The following TASP1 variants were observed in gnomAD, a reference collection of about 807,000 sequenced individuals.
TASP1 encodes threonine aspartase 1.
In TASP1, 16 loss-of-function variants were observed where a neutral mutation model predicts 56.6. That is an observed-to-expected ratio of 0.28 (90% CI 0.19 to 0.43). The LOEUF is 0.43. TASP1 is among the 20% of genes least tolerant of loss of function. TASP1 has a pLI of 1.00. For missense variants in TASP1, 393 were observed against 511.6 expected (o/e 0.77, Z 2.24); for synonymous variants, 179 against 184.2 (o/e 0.97, Z 0.23).
At chr20:13,509,507 G>C (rs1428971481) in intron 10 of TASP1, among the ~76,000 whole-genome samples, 1 of 152,006 alleles carries the variant, frequency 6.6e-6, no homozygotes, top group Non-Finnish European at 1.5e-5. Context: ...CACCAAAAAA[G>C]GTAACTATGT....
At chr20:13,206,083 C>T in the TASP1 span, among the ~76,000 whole-genome samples, 1 of 152,156 alleles carries the variant, frequency 6.6e-6, no homozygotes, top group East Asian at 1.9e-4. Flanking sequence ...GAGTCCTTGG[C>T]ATCTATCCAT....
At chr20:13,310,610 A>G in the TASP1 span, among the ~76,000 whole-genome samples, 1 of 152,240 alleles carries the variant, frequency 6.6e-6, no homozygotes, top group Non-Finnish European at 1.5e-5. Flanking sequence ...CAGCTAAGGA[A>G]GCAATCAACA....
At chr20:13,371,433 C>A in the TASP1 span, among the ~76,000 whole-genome samples, 1 of 152,032 alleles carries the variant, frequency 6.6e-6, no homozygotes, top group Non-Finnish European at 1.5e-5. Flanking sequence ...TTTAGTAGTG[C>A]GCTGTTAAAT....
chr20:13,592,290 G>C (rs376186634), intron 4 of TASP1, among the ~76,000 whole-genome samples: 1 of 151,818 alleles, frequency 6.6e-6, no homozygotes, highest in Non-Finnish European at 1.5e-5. Flanking sequence ...CCAGCTACTC[G>C]GGAGGCTGAG....
chr20:13,334,188 C>T, the TASP1 span, among the ~76,000 whole-genome samples: 1 of 152,060 alleles, frequency 6.6e-6, no homozygotes, highest in East Asian at 1.9e-4. Context: ...GGCAGAAATC[C>T]ATGGGTGTGA....
At chr20:13,486,650 G>T (rs1309863827) in intron 10 of TASP1, among the ~76,000 whole-genome samples, 1 of 152,054 alleles carries the variant, frequency 6.6e-6, no homozygotes, top group Non-Finnish European at 1.5e-5. Flanking sequence ...AATAGAATTG[G>T]AATATAACCA....
At chr20:13,277,939 C>A in the TASP1 span, among the ~76,000 whole-genome samples, 5 of 152,282 alleles carry the variant, frequency 3.3e-5, no homozygotes, top group African/African-American at 1.2e-4. Flanking sequence ...CCTCCCCATT[C>A]GTAACACAAA....
In TASP1 at chr20:13,389,500, A is replaced by G. The variant is rs1316211018; in HGVS notation, c.*860T>C. ...CTTTATCTTAAAAATATATTTAAAC[A>G]AAAACAAAGATAATATTGAATTTTC... On this transcript the variant is annotated 3_prime_UTR_variant, in exon 14 of 14. Transcript: ENST00000337743. 1 of 152,450 alleles carries G rather than the reference A, an allele frequency of 6.6e-6. No individual in the cohort carries two copies. The highest frequency in any genetic ancestry group is 2.4e-5 in the African/African-American group (1 of 41,456). 9.4% of individuals were successfully genotyped at this position (152,450 alleles called of 1,614,324 possible).
the TASP1 span, among the ~76,000 whole-genome samples, chr20:13,307,757 T>C: frequency 1.3e-5 from 2 of 152,368 alleles, no homozygotes; most frequent in Admixed American, 6.5e-5. Context: ...TATCGCTGCT[T>C]GCAGCTAAAG....
chr20:13,239,417 G>A, the TASP1 span: 1 of 152,216 alleles, frequency 6.6e-6, no homozygotes, highest in Non-Finnish European at 1.5e-5. Flanking sequence ...TCCATCTGCA[G>A]GGTCCTCCCT....
At chr20:13,262,274 T>TTA in the TASP1 span, among the ~76,000 whole-genome samples, 1 of 152,176 alleles carries the variant, frequency 6.6e-6, no homozygotes. Context: ...GGCCTGGCCT[T>TTA]TATAGCCCTG....
At chr20:13,161,534 G>A in the TASP1 span, among the ~76,000 whole-genome samples, 1 of 152,104 alleles carries the variant, frequency 6.6e-6, no homozygotes, top group Non-Finnish European at 1.5e-5. Context: ...ATCGCAGGTG[G>A]GGACCCAGAC....
chr20:13,498,346 T>A (rs1051157970), intron 10 of TASP1, among the ~76,000 whole-genome samples: 2 of 141,628 alleles, frequency 1.4e-5, no homozygotes, highest in South Asian at 4.3e-4. Context: ...TGTGTGTGTG[T>A]GTGTGTGTGT....
At chr20:13,340,978 A>G in the TASP1 span, among the ~76,000 whole-genome samples, 2 of 152,204 alleles carry the variant, frequency 1.3e-5, no homozygotes, top group African/African-American at 4.8e-5. Context: ...TGTGACTACA[A>G]ATACTTTCCT....
chr20:13,425,107 A>T (rs2042575005), intron 12 of TASP1, among the ~76,000 whole-genome samples: 1 of 152,172 alleles, frequency 6.6e-6, no homozygotes, highest in Non-Finnish European at 1.5e-5. Context: ...AGAAAGTTGT[A>T]TTTAAGAATT....
the TASP1 span, among the ~76,000 whole-genome samples, chr20:13,336,361 C>T: frequency 6.6e-6 from 1 of 152,114 alleles, no homozygotes; most frequent in South Asian, 2.1e-4. Flanking sequence ...TGGCTCATGC[C>T]CCGTCCTGCC....
In TASP1 at chr20:13,487,366, C is replaced by T. The variant is rs186842429; in HGVS notation, c.875-4029G>A. 2.8e-3 allele frequency among the ~76,000 whole-genome samples: 420 copies of T among 152,302 alleles called. 1 individual carries two copies. The highest frequency in any genetic ancestry group is 9.4e-3 in the African/African-American group (391 of 41,574). ...GCCTGATGACTCAGTATTCACTTAA[C>T]TGTCATTCTGGCCAGTCCAGATGTC... is the stretch of plus-strand genomic sequence containing the variant. On this transcript the variant is annotated intron_variant, in intron 10 of 13. Coordinates refer to ENST00000337743, the MANE Select transcript of TASP1 (RefSeq NM_017714.3).
chr20:13,394,630 G>GT (rs1240174439), intron 13 of TASP1, among the ~76,000 whole-genome samples: 193 of 148,070 alleles, frequency 1.3e-3, no homozygotes, highest in African/African-American at 4.0e-3. Context: ...AAGAAACTTT[G>GT]TTTTTTTTTT....
At chr20:13,289,676 GGAGGAGGAGGAA>G in the TASP1 span, among the ~76,000 whole-genome samples, 9 of 96,702 alleles carry the variant, frequency 9.3e-5, no homozygotes, top group African/African-American at 2.9e-4. Flanking sequence ...AGGAGGAGGG[GGAGGAGGAGGAA>G]GAGGAGGAGG....
Sources: gnomAD v4.1 joint callset for allele counts (sites outside exome capture counted in the v4.1 genomes callset) on GRCh38, gnomAD v4.1.1 for gene constraint, MANE v1.5 for transcripts, NCBI Gene and HGNC (gene_info 2026-07-23, HGNC 2026-07-21) for gene names.